The following AKAP13 variants were observed in gnomAD, a reference collection of about 807,000 sequenced individuals.
The protein encoded by AKAP13 is A-kinase anchor protein 13.
In AKAP13, 80 loss-of-function variants were observed where a neutral mutation model predicts 264.5. That is an observed-to-expected ratio of 0.30 (90% CI 0.25 to 0.36). The LOEUF (loss-of-function observed/expected upper bound fraction) is 0.36. Among genes scored for constraint, AKAP13 ranks in the 10% least tolerant of loss-of-function variants. The probability of loss-of-function intolerance (pLI) is 1.00; values close to 1 mark genes in which losing one functional copy is unlikely to be tolerated. For synonymous variants in AKAP13, 1,380 were observed against 1,250.2 expected, an observed-to-expected ratio of 1.10 and a Z score of -2.19; for missense variants, 3,712 against 3,435.2, an observed-to-expected ratio of 1.08 and a Z score of -2.01.
At chr15:85,480,834 C>G (rs1196481550) in intron 1 of AKAP13, 1 of 152,144 alleles carries the variant, frequency 6.6e-6, no homozygotes, top group Non-Finnish European at 1.5e-5. Flanking sequence ...ATTACAGGTG[C>G]CCGCCACCAC....
intron 1 of AKAP13, among the ~76,000 whole-genome samples, chr15:85,394,287 G>A (rs1206852230): frequency 6.6e-6 from 1 of 152,178 alleles, no homozygotes; most frequent in African/African-American, 2.4e-5. Context: ...TATCAAACAT[G>A]TTTTTTGGGT....
At chr15:85,407,176 C>A (rs1254016124) in intron 1 of AKAP13, among the ~76,000 whole-genome samples, 2 of 150,642 alleles carry the variant, frequency 1.3e-5, no homozygotes, top group Non-Finnish European at 2.9e-5. Flanking sequence ...TTGTGGTATA[C>A]AGGCTTCTAA....
chr15:85,707,178 T>C (rs1309181474), intron 17 of AKAP13, among the ~76,000 whole-genome samples: 1 of 152,218 alleles, frequency 6.6e-6, no homozygotes. Context: ...TGTTTCTGCT[T>C]TACCTCTGGC....
At chr15:85,740,403 C>A in intron 34 of AKAP13, 131 bp downstream of exon 34, 1 of 996,232 alleles carries the variant, frequency 1.0e-6, no homozygotes, top group Admixed American at 2.3e-5. Flanking sequence ...CTAGGGAAGA[C>A]TGGCTCTCGT....
chr15:85,381,010 C>A (rs1474475027), intron 1 of AKAP13, among the ~76,000 whole-genome samples: 1 of 152,068 alleles, frequency 6.6e-6, no homozygotes, highest in Non-Finnish European at 1.5e-5. Flanking sequence ...TGCGCATCGC[C>A]CTTCTCCCGC....
At chr15:85,627,152 T>C (rs1427344776) in intron 8 of AKAP13, among the ~76,000 whole-genome samples, 2 of 152,184 alleles carry the variant, frequency 1.3e-5, no homozygotes, top group Non-Finnish European at 2.9e-5. Flanking sequence ...TCCTGCTTGC[T>C]CTTTTCGTCT....
At chr15:85,453,781 G>A (rs1053475301) in intron 1 of AKAP13, among the ~76,000 whole-genome samples, 3 of 152,032 alleles carry the variant, frequency 2.0e-5, no homozygotes, top group African/African-American at 7.2e-5. Flanking sequence ...TGTTCCAGGG[G>A]AACTTCAGAT....
intron 1 of AKAP13, among the ~76,000 whole-genome samples, chr15:85,453,545 C>T (rs2074168237): frequency 6.6e-6 from 1 of 152,174 alleles, no homozygotes; most frequent in Non-Finnish European, 1.5e-5. Context: ...TCCAAAGGCA[C>T]CTATAGGAAG....
At chr15:85,539,380 G>A (rs969836312) in intron 4 of AKAP13, among the ~76,000 whole-genome samples, 1 of 144,548 alleles carries the variant, frequency 6.9e-6, no homozygotes, top group Non-Finnish European at 1.5e-5. Context: ...CCTTTCACAT[G>A]CAGCTGAGAA....
chr15:85,569,102 G>A (rs2078713217), intron 5 of AKAP13, among the ~76,000 whole-genome samples: 1 of 152,182 alleles, frequency 6.6e-6, no homozygotes, highest in South Asian at 2.1e-4. Flanking sequence ...AATGGAAATA[G>A]GTTTGGCATT....
At chr15:85,454,416 G>A (rs1238187555) in intron 1 of AKAP13, among the ~76,000 whole-genome samples, 1 of 152,056 alleles carries the variant, frequency 6.6e-6, no homozygotes, top group African/African-American at 2.4e-5. Context: ...TCCCTGAGTC[G>A]GGGAGGAACC....
intron 1 of AKAP13, among the ~76,000 whole-genome samples, chr15:85,471,805 G>C (rs772407267): frequency 1.1e-4 from 17 of 152,144 alleles, no homozygotes; most frequent in Non-Finnish European, 2.5e-4. Context: ...TACTAGCTCT[G>C]TTTATTTTTT....
chr15:85,383,310 G>C (rs769401602), intron 1 of AKAP13, among the ~76,000 whole-genome samples: 1 of 152,204 alleles, frequency 6.6e-6, no homozygotes, highest in Non-Finnish European at 1.5e-5. Context: ...GTAGCGTTCA[G>C]ATCTCCACAC....
intron 8 of AKAP13, among the ~76,000 whole-genome samples, chr15:85,632,416 A>G (rs2081879834): frequency 6.6e-6 from 1 of 152,198 alleles, no homozygotes. Context: ...CTGGACAGAA[A>G]CAAACCTGCC....
chr15:85,410,609 T>C (rs1313826965), intron 1 of AKAP13, among the ~76,000 whole-genome samples: 1 of 151,542 alleles, frequency 6.6e-6, no homozygotes, highest in East Asian at 1.9e-4. Flanking sequence ...TGGGGTAAGA[T>C]GCTTGATAGG....
intron 36 of AKAP13, 153 bp from the exon 37 acceptor site, chr15:85,744,475 A>G: frequency 1.3e-6 from 1 of 783,292 alleles, no homozygotes; most frequent in Non-Finnish European, 2.2e-6. Context: ...TTATTAACCA[A>G]ATTTGTTCAG....
chr15:85,655,093 G>C (rs1205675619), intron 10 of AKAP13, among the ~76,000 whole-genome samples: 2 of 152,114 alleles, frequency 1.3e-5, no homozygotes, highest in African/African-American at 4.8e-5. Flanking sequence ...TTGGGAGGCC[G>C]AGGCAGGATA....
At chr15:85,449,652 A>T (rs2150975283) in intron 1 of AKAP13, among the ~76,000 whole-genome samples, 1 of 152,292 alleles carries the variant, frequency 6.6e-6, no homozygotes, top group Admixed American at 6.5e-5. Flanking sequence ...GTTTTATCAA[A>T]AGCCTTTTCT....
At chr15:85,489,107 A>G (rs1168402322) in intron 2 of AKAP13, among the ~76,000 whole-genome samples, 1 of 152,340 alleles carries the variant, frequency 6.6e-6, no homozygotes, top group African/African-American at 2.4e-5. Context: ...GACATGAGGA[A>G]ACGAGGTCTG....
Sources: allele counts gnomAD v4.1 joint callset (sites outside exome capture counted in the v4.1 genomes callset), GRCh38; gene constraint gnomAD v4.1.1; transcripts MANE v1.5; gene names NCBI Gene and HGNC (gene_info 2026-07-23, HGNC 2026-07-21).